The following POU6F2 variants were observed in gnomAD, a reference collection of about 807,000 sequenced individuals.
The protein encoded by POU6F2 is POU domain, class 6, transcription factor 2.
POU6F2 carries 31 observed loss-of-function variants against 71.3 expected under a neutral mutation model. The ratio of observed to expected loss-of-function variants is 0.43; its 90% confidence interval spans 0.33 to 0.59. POU6F2 has a LOEUF of 0.59. POU6F2 is among the 20% of genes least tolerant of loss of function. POU6F2 has a pLI of 0.04. For synonymous variants in POU6F2, 347 were observed against 355.7 expected (o/e 0.98, Z 0.27); for missense variants, 783 against 856.8 (o/e 0.91, Z 1.07).
intron 1 of POU6F2, among the ~76,000 whole-genome samples, chr7:39,071,964 A>G (rs1484346338): frequency 6.6e-6 from 1 of 152,184 alleles, no homozygotes; most frequent in African/African-American, 2.4e-5. Context: ...TGCTTGGCAT[A>G]CTAAGGAAAT....
At chr7:39,186,215 G>A (rs2128742450) in intron 2 of POU6F2, among the ~76,000 whole-genome samples, 1 of 152,276 alleles carries the variant, frequency 6.6e-6, no homozygotes, top group Admixed American at 6.5e-5. Context: ...TAGTGAACTT[G>A]GAACTCAGAC....
intron 2 of POU6F2, among the ~76,000 whole-genome samples, chr7:39,200,127 A>T (rs1373115978): frequency 6.6e-6 from 1 of 152,200 alleles, no homozygotes; most frequent in East Asian, 1.9e-4. Flanking sequence ...GGCCAAGGGG[A>T]TTACACTAGC....
intron 2 of POU6F2, among the ~76,000 whole-genome samples, chr7:39,169,826 ATGT>A (rs1793184797): frequency 6.6e-6 from 1 of 152,154 alleles, no homozygotes; most frequent in African/African-American, 2.4e-5. Flanking sequence ...ATTTTTCATA[ATGT>A]TATGTCACAT....
chr7:39,266,556 G>A (rs1784245330), intron 4 of POU6F2, among the ~76,000 whole-genome samples: 1 of 151,932 alleles, frequency 6.6e-6, no homozygotes, highest in Non-Finnish European at 1.5e-5. Context: ...GGGGGAATGG[G>A]GACTTGCTAT....
At chr7:39,404,008 C>T (rs1167716914) in intron 5 of POU6F2, among the ~76,000 whole-genome samples, 3 of 152,048 alleles carry the variant, frequency 2.0e-5, no homozygotes, top group Admixed American at 6.6e-5. Flanking sequence ...ACTGGAATGA[C>T]GGTAGGAAGT....
At chr7:39,195,522 C>G (rs1793769697) in intron 2 of POU6F2, among the ~76,000 whole-genome samples, 1 of 152,130 alleles carries the variant, frequency 6.6e-6, no homozygotes, top group African/African-American at 2.4e-5. Flanking sequence ...CTGTCATTCT[C>G]ACGATAATTT....
At chr7:39,145,580 A>G (rs976183435) in intron 2 of POU6F2, among the ~76,000 whole-genome samples, 1 of 152,178 alleles carries the variant, frequency 6.6e-6, no homozygotes, top group African/African-American at 2.4e-5. Context: ...GGGTTTTCCA[A>G]GTGTTTTTAT....
intron 4 of POU6F2, among the ~76,000 whole-genome samples, chr7:39,251,110 T>C (rs938296709): frequency 6.6e-6 from 1 of 152,186 alleles, no homozygotes; most frequent in Non-Finnish European, 1.5e-5. Context: ...CACGATTTGG[T>C]TTATTTTTAA....
intron 2 of POU6F2, among the ~76,000 whole-genome samples, chr7:39,154,763 G>A (rs1792833731): frequency 6.6e-6 from 1 of 151,968 alleles, no homozygotes; most frequent in African/African-American, 2.4e-5. Context: ...TATCACTACT[G>A]CAATGAATGT....
In POU6F2 at chr7:39,246,170, A is replaced by G. The variant is rs76779166; in HGVS notation, c.598+38550A>G. ...TGGTCAACCTTTAGGAATATAATCT[A>G]TGAAATCATGTTTGACTTCCACAAG... On this transcript the variant is annotated intron_variant, in intron 4 of 9. Coordinates refer to ENST00000518318, the MANE Select transcript of POU6F2 (RefSeq NM_001370959.1). 2.4e-3 allele frequency among the ~76,000 whole-genome samples: 372 copies of G among 152,298 alleles called. 2 individuals are homozygous for G. Among genetic ancestry groups the G allele is most frequent in the African/African-American group, 8.5e-3 (354 of 41,582 alleles).
intron 1 of POU6F2, among the ~76,000 whole-genome samples, chr7:39,033,779 T>C (rs892528045): frequency 1.3e-5 from 2 of 152,196 alleles, no homozygotes; most frequent in African/African-American, 4.8e-5. Context: ...GCAGTAACAA[T>C]CTTTCATACA....
chr7:39,229,253 C>T (rs1389537260), intron 4 of POU6F2, among the ~76,000 whole-genome samples: 3 of 152,244 alleles, frequency 2.0e-5, no homozygotes, highest in Admixed American at 6.5e-5. Flanking sequence ...CCTCCAGCCC[C>T]ACTTCAGTAG....
chr7:39,087,294 A>C (rs1452821991), intron 2 of POU6F2, among the ~76,000 whole-genome samples: 1 of 151,820 alleles, frequency 6.6e-6, no homozygotes, highest in African/African-American at 2.4e-5. Flanking sequence ...ATGCTTACTC[A>C]ATCAAACATT....
intron 4 of POU6F2, among the ~76,000 whole-genome samples, chr7:39,323,863 C>T (rs2128769658): frequency 1.3e-5 from 2 of 152,122 alleles, no homozygotes; most frequent in Middle Eastern, 3.4e-3. Flanking sequence ...AATCCTAGCA[C>T]TTTGGGAGGC....
intron 4 of POU6F2, among the ~76,000 whole-genome samples, chr7:39,270,378 G>T (rs1784319262): frequency 1.3e-5 from 2 of 152,202 alleles, no homozygotes; most frequent in South Asian, 4.1e-4. Context: ...GGCACAGAGA[G>T]GTTAAAGGAT....
intron 1 of POU6F2, among the ~76,000 whole-genome samples, chr7:38,983,759 T>C (rs1788389187): frequency 6.6e-6 from 1 of 152,154 alleles, no homozygotes; most frequent in Non-Finnish European, 1.5e-5. Context: ...ACCCCACTTA[T>C]AAATGATCAT....
chr7:39,324,107 CAA>C (rs70977473), intron 4 of POU6F2, among the ~76,000 whole-genome samples: 3 of 70,702 alleles, frequency 4.2e-5, no homozygotes, highest in African/African-American at 5.7e-5. Flanking sequence ...AACTACATCT[CAA>C]AAAAAAAAAA....
chr7:39,090,693 T>C (rs1408811880), intron 2 of POU6F2, among the ~76,000 whole-genome samples: 1 of 151,454 alleles, frequency 6.6e-6, no homozygotes, highest in Non-Finnish European at 1.5e-5. Flanking sequence ...CATGCTTCTA[T>C]ATTTTTAAAA....
intron 5 of POU6F2, among the ~76,000 whole-genome samples, chr7:39,397,365 A>C (rs1012491132): frequency 6.7e-6 from 1 of 148,172 alleles, no homozygotes; most frequent in Non-Finnish European, 1.5e-5. Context: ...ATATAGACAA[A>C]TATATAGAGA....
Sources: gnomAD v4.1 joint callset for allele counts (sites outside exome capture counted in the v4.1 genomes callset) on GRCh38, gnomAD v4.1.1 for gene constraint, MANE v1.5 for transcripts, NCBI Gene and HGNC (gene_info 2026-07-23, HGNC 2026-07-21) for gene names.